SOX5: variants seen among roughly 807,000 people sequenced by gnomAD.
SOX5 encodes the protein transcription factor SOX-5.
SOX5 carries 9 observed loss-of-function variants against 92.0 expected under a neutral mutation model. The ratio of observed to expected loss-of-function variants is 0.10; its 90% confidence interval spans 0.06 to 0.17. The LOEUF (loss-of-function observed/expected upper bound fraction) is 0.17, where lower values mean the gene tolerates loss of function less well. Ranked by LOEUF, SOX5 falls within the 10% of genes least tolerant of loss-of-function variation. SOX5 has a pLI of 1.00. For missense variants in SOX5, 642 were observed against 944.5 expected (o/e 0.68, Z 4.20); for synonymous variants, 344 against 336.3 (o/e 1.02, Z -0.25).
chr12:23,861,856 C>T (rs987027084), intron 2 of SOX5, among the ~76,000 whole-genome samples: 3 of 152,216 alleles, frequency 2.0e-5, no homozygotes, highest in Middle Eastern at 3.4e-3. Flanking sequence ...TACTTAGCAA[C>T]ATCAAACGGG....
intron 4 of SOX5, among the ~76,000 whole-genome samples, chr12:24,068,018 G>A (rs1412895030): frequency 1.3e-5 from 2 of 152,078 alleles, no homozygotes; most frequent in African/African-American, 2.4e-5. Context: ...GGTGGTGTGC[G>A]CCTGTAGTCC....
chr12:23,736,237 G>T (rs574936867), intron 5 of SOX5, among the ~76,000 whole-genome samples: 5 of 152,038 alleles, frequency 3.3e-5, no homozygotes, highest in African/African-American at 1.2e-4. Context: ...TGAGGTGGGT[G>T]GATCACGAGG....
intron 4 of SOX5, among the ~76,000 whole-genome samples, chr12:24,111,965 A>G (rs922920841): frequency 6.6e-6 from 1 of 152,230 alleles, no homozygotes; most frequent in African/African-American, 2.4e-5. Flanking sequence ...CATCACCAAG[A>G]ATGGTGACAG....
At chr12:23,760,942 A>G (rs1275893185) in intron 3 of SOX5, among the ~76,000 whole-genome samples, 1 of 152,128 alleles carries the variant, frequency 6.6e-6, no homozygotes, top group Non-Finnish European at 1.5e-5. Flanking sequence ...ACAAACAAAA[A>G]GTACGCTATG....
chr12:23,603,430 TAAATATATATATA>T (rs1267465249), intron 9 of SOX5, among the ~76,000 whole-genome samples: 3 of 132,380 alleles, frequency 2.3e-5, no homozygotes, highest in Non-Finnish European at 4.8e-5. Context: ...TTCAGCAAAA[TAAATATATATATA>T]AAATATATAT....
intron 6 of SOX5, among the ~76,000 whole-genome samples, chr12:23,724,404 A>G (rs2092999983): frequency 6.6e-6 from 1 of 152,192 alleles, no homozygotes; most frequent in South Asian, 2.1e-4. Context: ...CAAATACTTA[A>G]TAAGCAATAG....
At chr12:23,924,718 G>C (rs1328933451) in intron 1 of SOX5, among the ~76,000 whole-genome samples, 1 of 151,996 alleles carries the variant, frequency 6.6e-6, no homozygotes, top group Admixed American at 6.6e-5. Context: ...AATTGATATA[G>C]CAGGAAGTTG....
At chr12:23,568,170 A>G (rs907215007) in intron 10 of SOX5, among the ~76,000 whole-genome samples, 15 of 152,190 alleles carry the variant, frequency 9.9e-5, no homozygotes, top group Non-Finnish European at 1.6e-4. Flanking sequence ...TTTGACCCAT[A>G]GAAATAGGGG....
chr12:24,291,200 C>T (rs867407492), intron 2 of SOX5, among the ~76,000 whole-genome samples: 7 of 152,146 alleles, frequency 4.6e-5, no homozygotes, highest in African/African-American at 7.2e-5. Flanking sequence ...AAGAAGGGCA[C>T]ACAGCACGTC....
chr12:23,784,337 T>G (rs2095338781), intron 3 of SOX5, among the ~76,000 whole-genome samples: 1 of 152,126 alleles, frequency 6.6e-6, no homozygotes, highest in African/African-American at 2.4e-5. Flanking sequence ...TTTTATTTTT[T>G]TATTTTTGAG....
At chr12:24,355,132 T>C (rs1031532092) in intron 2 of SOX5, among the ~76,000 whole-genome samples, 21 of 152,140 alleles carry the variant, frequency 1.4e-4, no homozygotes, top group Non-Finnish European at 2.8e-4. Context: ...AATGTGTAAA[T>C]GAAAATGTCA....
chr12:24,052,420 A>T (rs1363239262), intron 4 of SOX5, among the ~76,000 whole-genome samples: 1 of 152,190 alleles, frequency 6.6e-6, no homozygotes, highest in Non-Finnish European at 1.5e-5. Flanking sequence ...TTTTAATAAT[A>T]GTTTTTAATA....
intron 1 of SOX5, among the ~76,000 whole-genome samples, chr12:24,380,028 G>A (rs1448666769): frequency 6.6e-6 from 1 of 152,130 alleles, no homozygotes; most frequent in South Asian, 2.1e-4. Flanking sequence ...AAGAATATAG[G>A]GGCATAGTAG....
At chr12:24,202,346 C>T (rs1274098620) in intron 4 of SOX5, among the ~76,000 whole-genome samples, 5 of 152,202 alleles carry the variant, frequency 3.3e-5, no homozygotes, top group Non-Finnish European at 5.9e-5. Flanking sequence ...TCCAATTTAA[C>T]TTTTCATTCT....
chr12:24,096,486 C>A (rs1210245293), intron 4 of SOX5, among the ~76,000 whole-genome samples: 1 of 152,126 alleles, frequency 6.6e-6, no homozygotes, highest in African/African-American at 2.4e-5. Flanking sequence ...CCAAAAACCA[C>A]CATTCTACTT....
In SOX5 at chr12:23,535,758, T is replaced by C. The variant is rs144220457; in HGVS notation, c.1988+695A>G. ...TTCTCTGCCCATATTTAGAACAATA[T>C]TTATTATTCTAAGAAGCTCTTAGAA... On this transcript the variant is annotated intron_variant, in intron 14 of 14. Coordinates refer to ENST00000451604, the MANE Select transcript of SOX5 (RefSeq NM_006940.6). Among the ~76,000 whole-genome samples, 393 of 152,328 alleles carry C rather than the reference T, an allele frequency of 2.6e-3. 1 individual carries two copies. Among genetic ancestry groups the C allele is most frequent in the African/African-American group, 8.9e-3 (368 of 41,570 alleles).
chr12:24,553,321 GT>G (rs1953401466), intron 1 of SOX5, among the ~76,000 whole-genome samples: 1 of 152,194 alleles, frequency 6.6e-6, no homozygotes, highest in Admixed American at 6.5e-5. Flanking sequence ...CTGTGAAAAG[GT>G]GCTAATATCC....
Position 23,832,839 on chromosome 12 carries a change from G to A in SOX5, c.481+13144C>T, listed in dbSNP as rs192746332. 3.9e-4 allele frequency among the ~76,000 whole-genome samples: 59 copies of A among 150,168 alleles called. 1 individual carries two copies. The highest frequency in any genetic ancestry group is 1.4e-3 in the African/African-American group (58 of 41,012). On this transcript the variant is annotated intron_variant, in intron 3 of 14. Coordinates refer to ENST00000451604, the MANE Select transcript of SOX5 (RefSeq NM_006940.6). ...CTTTAAATTAAAATTTGCATTTCCTGCAAATGATGCAAAATTCAAGAACCA... is the reference window on the plus strand; with the variant it reads ...CTTTAAATTAAAATTTGCATTTCCTACAAATGATGCAAAATTCAAGAACCA...
intron 2 of SOX5, among the ~76,000 whole-genome samples, chr12:24,342,270 A>G (rs1348630797): frequency 2.0e-5 from 3 of 152,106 alleles, no homozygotes; most frequent in Admixed American, 6.6e-5. Flanking sequence ...TTTTCTCACC[A>G]TTGCATTCAC....
Sources: gnomAD v4.1 joint callset for allele counts (sites outside exome capture counted in the v4.1 genomes callset) on GRCh38, gnomAD v4.1.1 for gene constraint, MANE v1.5 for transcripts, NCBI Gene and HGNC (gene_info 2026-07-23, HGNC 2026-07-21) for gene names.